FAM171A2: variants seen among roughly 807,000 people sequenced by gnomAD.
FAM171A2 encodes family with sequence similarity 171 member A2.
FAM171A2 carries 13 observed loss-of-function variants against 34.2 expected under a neutral mutation model. The observed-to-expected ratio is 0.38, with a 90% CI of 0.25 to 0.60. FAM171A2 has a LOEUF of 0.60. Ranked by LOEUF, FAM171A2 falls within the 20% of genes least tolerant of loss-of-function variation. The pLI is 0.62. For missense variants in FAM171A2, 950 were observed against 1,180.7 expected, an observed-to-expected ratio of 0.80 and a Z score of 2.86; for synonymous variants, 475 against 561.2, an observed-to-expected ratio of 0.85 and a Z score of 2.17.
intron 2 of FAM171A2, 22 bp downstream of exon 2, chr17:44,359,883 C>G (rs537020073): frequency 2.0e-6 from 3 of 1,510,940 alleles, no homozygotes; most frequent in Admixed American, 4.1e-5. Flanking sequence ...TGTCCCCCCC[C>G]TCCACCTGCC....
Position 44,354,107 on chromosome 17 carries a change from C to A in FAM171A2, c.2107G>T (p.Ala703Ser). 3 of 1,127,046 alleles carry A rather than the reference C, an allele frequency of 2.7e-6. No individual in the cohort carries two copies. Among genetic ancestry groups the A allele is most frequent in the Non-Finnish European group, 2.2e-6 (2 of 920,350 alleles). The allele number at this position is 1,127,046 out of a possible 1,614,324, so 69.8% of individuals were successfully genotyped here. ...HEARPARRRP[A>S]REERERAPPA... is the part of the protein sequence containing the mutation. ...GGGGCGCGCTCCCGCTCCTCCCTCGCGGGCCGGCGGCGCGCGGGCCGCGCC... is the reference window on the plus strand; with the variant it reads ...GGGGCGCGCTCCCGCTCCTCCCTCGAGGGCCGGCGGCGCGCGGGCCGCGCC... Residue 703 changes from alanine to serine, a missense_variant, in exon 8 of 8, where the codon GCG becomes TCG. By Grantham distance (99) the Ala-to-Ser change is moderately conservative. Coordinates refer to ENST00000293443, the MANE Select transcript of FAM171A2 (RefSeq NM_198475.3). The surrounding 1 kb of genome is among the most constrained non-coding windows in gnomAD (Gnocchi z 5.8).
Position 44,354,438 on chromosome 17 carries a change from C to G in FAM171A2, c.1776G>C (p.Pro592=). The G allele has an allele frequency of 9.0e-7, 1 of 1,117,074 alleles. No individual in the cohort carries two copies. Among genetic ancestry groups the G allele is most frequent in the Non-Finnish European group, 1.1e-6 (1 of 911,342 alleles). 69.2% of individuals were successfully genotyped at this position (1,117,074 alleles called of 1,614,324 possible). Residue 592 remains proline, a synonymous_variant, in exon 8 of 8, where the codon CCG becomes CCC. Transcript: ENST00000293443. The surrounding 1 kb of genome is among the most constrained non-coding windows in gnomAD (Gnocchi z 5.8). ...QRPQMPGHSG[P]GGEGGGGGGE... is the part of the protein sequence containing the mutation. ...CGCCGCCCCCGCCGCCCTCGCCCCCCGGGCCCGAGTGGCCCGGCATCTGCG... is the reference window on the plus strand; with the variant it reads ...CGCCGCCCCCGCCGCCCTCGCCCCCGGGGCCCGAGTGGCCCGGCATCTGCG...
intron 3 of FAM171A2, among the ~76,000 whole-genome samples, chr17:44,358,248 T>G (rs1056767124): frequency 2.6e-5 from 4 of 152,198 alleles, no homozygotes; most frequent in Non-Finnish European, 1.5e-5. Context: ...TGCAGTCAGC[T>G]CTGAGATGGC....
intron 3 of FAM171A2, chr17:44,359,302 A>G: frequency 2.2e-6 from 1 of 448,654 alleles, no homozygotes; most frequent in South Asian, 2.4e-5. Context: ...GGTGGCAGGG[A>G]AGGTAGGAAT....
At position 44,355,581 on chromosome 17, in the gene FAM171A2, C is replaced by T. The variant is rs533464573; in HGVS notation, c.1022+134G>A. On this transcript the variant is annotated intron_variant, in intron 7 of 7. Transcript: ENST00000293443. The surrounding 1 kb of genome is among the most constrained non-coding windows in gnomAD (Gnocchi z 4.1). ...CTGTCTTCAACCACCAGCACCAGCC[C>T]TTCAGGTCTTAGCATGTTTGCAGGA... 6.1e-6 allele frequency: 8 copies of T among 1,307,858 alleles called. No homozygotes were observed. The African/African-American group carries it at 1.0e-4, about 17-fold the overall frequency. The allele number at this position is 1,307,858 out of a possible 1,614,324, so 81.0% of individuals were successfully genotyped here. A position where few individuals can be genotyped will look rare whatever the true frequency, so the allele number is the denominator to read the frequency against.
chr17:44,354,051 G>C lies in FAM171A2; in HGVS notation c.2163C>G (p.Pro721=). The C allele has an allele frequency of 8.7e-7, 1 of 1,143,038 alleles. No individual in the cohort carries two copies. 70.8% of individuals were successfully genotyped at this position (1,143,038 alleles called of 1,614,324 possible). A position where few individuals can be genotyped will look rare whatever the true frequency, so the allele number is the denominator to read the frequency against. Residue 721 remains proline, a synonymous_variant, in exon 8 of 8, where the codon CCC becomes CCG. Transcript: ENST00000293443. This position sits in a 1 kb window ranked among gnomAD's most constrained non-coding sequence, Gnocchi z 5.8. The part of the protein sequence containing the change: ...PPAAPPPPPA[P]PRLALSEDTE... ...TGTCCTCGCTGAGCGCCAGGCGCGG[G>C]GGCGCGGGCGGCGGCGGCGGCGCGG... is the stretch of plus-strand genomic sequence containing the variant.
intron 5 of FAM171A2, 34 bp from the exon 6 acceptor site, chr17:44,356,108 C>T: frequency 1.3e-6 from 2 of 1,521,322 alleles, no homozygotes; most frequent in Non-Finnish European, 1.8e-6. Flanking sequence ...ACACTTGAGT[C>T]GCTCCCACTC....
At chr17:44,360,841 A>G (rs552534722) in intron 1 of FAM171A2, among the ~76,000 whole-genome samples, 2 of 152,322 alleles carry the variant, frequency 1.3e-5, no homozygotes, top group African/African-American at 2.4e-5. Flanking sequence ...CCTTTGCACA[A>G]GCCTGTTTCC....
intron 1 of FAM171A2, among the ~76,000 whole-genome samples, chr17:44,362,017 A>G (rs2048449829): frequency 7.1e-6 from 1 of 140,748 alleles, no homozygotes. Flanking sequence ...TGGGTTCAAG[A>G]GTCAGAGTTT....
chr17:44,356,315 A>T lies in FAM171A2; in HGVS notation c.636T>A (p.Ala212=), dbSNP rs1433117772. 1 of 1,549,672 alleles carries T rather than the reference A, an allele frequency of 6.5e-7. No homozygotes were observed. Among genetic ancestry groups the T allele is most frequent in the South Asian group, 1.2e-5 (1 of 84,022 alleles). ...GSWLELMPLT[A]VSVHLLTGNG... ...TACCTGTCAGCAGGTGCACGCTCAC[A>T]GCAGTCAGGGGCATCAGCTCCAGCC... Residue 212 remains alanine (A), a synonymous_variant, in exon 5 of 8, where the codon GCT becomes GCA. Coordinates refer to ENST00000293443, the MANE Select transcript of FAM171A2 (RefSeq NM_198475.3).
intron 1 of FAM171A2, 109 bp downstream of exon 1, chr17:44,363,488 G>C: frequency 2.2e-6 from 1 of 461,112 alleles, no homozygotes; most frequent in Non-Finnish European, 3.5e-6. Context: ...CGAATCCAGG[G>C]AACAGAATAC....
chr17:44,362,572 A>G (rs1255265138), intron 1 of FAM171A2, among the ~76,000 whole-genome samples: 1 of 152,094 alleles, frequency 6.6e-6, no homozygotes, highest in Non-Finnish European at 1.5e-5. Context: ...GGAGAGCAGG[A>G]CCCGGGAGGT....
In FAM171A2 at chr17:44,353,629, G is replaced by A. The variant is rs1036757303; in HGVS notation, c.*104C>T. The A allele has an allele frequency of 1.1e-6, 1 of 923,104 alleles. No individual in the cohort carries two copies. The highest frequency in any genetic ancestry group is 4.1e-5 in the East Asian group (1 of 24,170). The allele number at this position is 923,104 out of a possible 1,614,324, so 57.2% of individuals were successfully genotyped here. On this transcript the variant is annotated 3_prime_UTR_variant, in exon 8 of 8. Coordinates refer to ENST00000293443, the MANE Select transcript of FAM171A2 (RefSeq NM_198475.3). ...TCCAAGGCCCCTGGGCCCCTCTCCG[G>A]CCTGGGGCTGGGAGCTACGCGCGAG... is the stretch of plus-strand genomic sequence containing the variant.
chr17:44,354,502 C>T lies in FAM171A2; in HGVS notation c.1712G>A (p.Gly571Asp). 1 of 1,097,620 alleles carries T rather than the reference C, an allele frequency of 9.1e-7. No homozygotes were observed. 68.0% of individuals were successfully genotyped at this position (1,097,620 alleles called of 1,614,324 possible). Residue 571 changes from glycine (G) to aspartate (D), a missense_variant, in exon 8 of 8, where the codon GGC (glycine) becomes GAC (aspartate). Physicochemically the swap from Gly to Asp is moderately conservative, Grantham distance 94 (BLOSUM62 -1). Around this residue, in one of 3 missense-constraint regions of FAM171A2, gnomAD observed 752 missense variants for 924.5 expected, o/e 0.81. Coordinates refer to ENST00000293443, the MANE Select transcript of FAM171A2 (RefSeq NM_198475.3). The surrounding 1 kb of genome is among the most constrained non-coding windows in gnomAD (Gnocchi z 5.8). Reference sequence around the variant, plus strand: ...GGGCTGGGGAAAAGCGCGCGCCGGGCCGGGTGCCGTGCCCTCCGGCGGGGC... The same window carrying T: ...GGGCTGGGGAAAAGCGCGCGCCGGGTCGGGTGCCGTGCCCTCCGGCGGGGC... The part of the protein sequence containing the change: ...EPAPPEGTAP[G>D]PARAFPQPDP...
At chr17:44,359,769 C>T in intron 2 of FAM171A2, 98 bp from the exon 3 acceptor site, 3 of 1,326,998 alleles carry the variant, frequency 2.3e-6, no homozygotes, top group Non-Finnish European at 3.1e-6. Flanking sequence ...CACCCTCCCT[C>T]AGCCCCCTCT....
Position 44,355,300 on chromosome 17 carries a change from G to C in FAM171A2, c.1023-109C>G, listed in dbSNP as rs1018472668. The C allele has an allele frequency of 1.4e-6, 2 of 1,468,078 alleles. No individual in the cohort carries two copies. Among genetic ancestry groups the C allele is most frequent in the African/African-American group, 2.8e-5 (2 of 70,590 alleles). 90.9% of individuals were successfully genotyped at this position (1,468,078 alleles called of 1,614,324 possible). ...AGACGAATATAGTGGAAGAGGTGGG[G>C]AGAATGCCTGGGGCGCTCAGGAGAG... On this transcript the variant is annotated intron_variant, in intron 7 of 7. Coordinates refer to ENST00000293443, the MANE Select transcript of FAM171A2 (RefSeq NM_198475.3). This position sits in a 1 kb window ranked among gnomAD's most constrained non-coding sequence, Gnocchi z 4.1.
intron 1 of FAM171A2, among the ~76,000 whole-genome samples, chr17:44,360,869 C>T (rs970669470): frequency 2.6e-5 from 4 of 152,206 alleles, no homozygotes; most frequent in African/African-American, 9.6e-5. Context: ...TTTAGGGACT[C>T]ACCCCAACCC....
rs1236166805 is a variant in FAM171A2, at chr17:44,354,436, C to G, written c.1778G>C (p.Gly593Ala). The change falls in exon 8 of 8, where the codon GGG (glycine) becomes GCG (alanine). Residue 593 changes from glycine (G) to alanine (A), a missense_variant. Transcript: ENST00000293443. This position sits in a 1 kb window ranked among gnomAD's most constrained non-coding sequence, Gnocchi z 5.8. Reference protein sequence around the residue: ...RPQMPGHSGPGGEGGGGGGEG... With the variant: ...RPQMPGHSGPAGEGGGGGGEG... ...GCCGCCGCCCCCGCCGCCCTCGCCC[C>G]CCGGGCCCGAGTGGCCCGGCATCTG... 1 of 1,119,992 alleles carries G rather than the reference C, an allele frequency of 8.9e-7. No individual in the cohort carries two copies. The highest frequency in any genetic ancestry group is 1.7e-5 in the African/African-American group (1 of 59,524). The allele number at this position is 1,119,992 out of a possible 1,614,324, so 69.4% of individuals were successfully genotyped here.
Position 44,363,839 on chromosome 17 carries a change from C to T in FAM171A2, c.-125G>A, listed in dbSNP as rs1038886797. Reference sequence around the variant, plus strand: ...GCTCCCGCTCCCGCTGCGGCGCCCGCTCAGCGCGATTGTCTCCGACCGGAG... The same window carrying T: ...GCTCCCGCTCCCGCTGCGGCGCCCGTTCAGCGCGATTGTCTCCGACCGGAG... On this transcript the variant is annotated 5_prime_UTR_variant, in exon 1 of 8. Coordinates refer to ENST00000293443, the MANE Select transcript of FAM171A2 (RefSeq NM_198475.3). 53 of 364,132 alleles carry T rather than the reference C, an allele frequency of 1.5e-4. No individual in the cohort carries two copies. Among genetic ancestry groups the T allele is most frequent in the African/African-American group, 1.1e-3 (49 of 46,162 alleles). The allele number at this position is 364,132 out of a possible 1,614,324, so 22.6% of individuals were successfully genotyped here.
Sources: allele counts gnomAD v4.1 joint callset (sites outside exome capture counted in the v4.1 genomes callset), GRCh38; gene constraint gnomAD v4.1.1; regional missense constraint gnomAD v4.1.1; non-coding constraint Gnocchi (gnomAD v3.1); transcripts MANE v1.5; gene names NCBI Gene and HGNC (gene_info 2026-07-23, HGNC 2026-07-21).